The following ADARB2 variants were observed in gnomAD, a reference collection of about 807,000 sequenced individuals.
ADARB2 encodes inactive double-stranded RNA-specific editase B2.
ADARB2 carries 25 observed loss-of-function variants against 62.2 expected under a neutral mutation model. That is an observed-to-expected ratio of 0.40 (90% confidence interval 0.29 to 0.56). The LOEUF is 0.56. Ranked by LOEUF, ADARB2 falls within the 20% of genes least tolerant of loss-of-function variation. The pLI, the probability that ADARB2 is intolerant of heterozygous loss-of-function variation, is 0.43. For synonymous variants in ADARB2, 572 were observed against 500.8 expected (o/e 1.14, Z -1.90); for missense variants, 1,071 against 1,077.4 (o/e 0.99, Z 0.08).
chr10:1,724,121 T>C (rs1835132577), intron 1 of ADARB2, among the ~76,000 whole-genome samples: 1 of 152,156 alleles, frequency 6.6e-6, no homozygotes, highest in African/African-American at 2.4e-5. Context: ...ATGGGGTCTT[T>C]AAAGAGGTGC....
chr10:1,594,995 G>A (rs1416517714), intron 1 of ADARB2, among the ~76,000 whole-genome samples: 1 of 152,180 alleles, frequency 6.6e-6, no homozygotes, highest in Non-Finnish European at 1.5e-5. Context: ...CTGAGGAAGT[G>A]CAGGAAGCGG....
intron 5 of ADARB2, among the ~76,000 whole-genome samples, chr10:1,234,147 C>T (rs1284655964): frequency 6.6e-6 from 1 of 151,602 alleles, no homozygotes; most frequent in Non-Finnish European, 1.5e-5. Context: ...CGCCACCACG[C>T]CTAGTTCATT....
At chr10:1,288,761 G>T (rs7914608) in intron 3 of ADARB2, among the ~76,000 whole-genome samples, 2,056 of 152,320 alleles carry the variant, frequency 0.013, 52 homozygotes, top group African/African-American at 0.047. Flanking sequence ...AGACCACGGG[G>T]TACTTCTGTG....
chr10:1,456,217 G>A (rs370017619), intron 1 of ADARB2, among the ~76,000 whole-genome samples: 3 of 152,092 alleles, frequency 2.0e-5, no homozygotes, highest in African/African-American at 4.8e-5. Flanking sequence ...TAGTAAGAAC[G>A]GAAACCACTG....
intron 1 of ADARB2, among the ~76,000 whole-genome samples, chr10:1,580,751 C>T (rs898566927): frequency 6.6e-6 from 1 of 152,196 alleles, no homozygotes; most frequent in Non-Finnish European, 1.5e-5. Flanking sequence ...CGCCATGCTC[C>T]TTCTGTTCCT....
At chr10:1,375,742 T>G (rs1051335567) in intron 2 of ADARB2, among the ~76,000 whole-genome samples, 9 of 151,108 alleles carry the variant, frequency 6.0e-5, no homozygotes, top group African/African-American at 1.5e-4. Flanking sequence ...TGTGCACAGA[T>G]TCACACGCCA....
At chr10:1,673,775 GCTCA>G (rs1009932245) in intron 1 of ADARB2, among the ~76,000 whole-genome samples, 20 of 152,216 alleles carry the variant, frequency 1.3e-4, no homozygotes, top group African/African-American at 4.6e-4. Context: ...CACTGCCACC[GCTCA>G]CTGCCAGGCA....
At chr10:1,273,921 C>T (rs1444444668) in intron 3 of ADARB2, among the ~76,000 whole-genome samples, 1 of 152,194 alleles carries the variant, frequency 6.6e-6, no homozygotes, top group Non-Finnish European at 1.5e-5. Context: ...AGGCCCGGGG[C>T]TCGTGGGTTG....
intron 1 of ADARB2, among the ~76,000 whole-genome samples, chr10:1,453,641 C>T (rs1831063675): frequency 6.6e-6 from 1 of 152,160 alleles, no homozygotes; most frequent in Non-Finnish European, 1.5e-5. Flanking sequence ...AAAATTCCTA[C>T]TACTGAACAC....
intron 1 of ADARB2, among the ~76,000 whole-genome samples, chr10:1,447,777 T>G (rs1830990021): frequency 6.6e-6 from 1 of 152,228 alleles, no homozygotes; most frequent in Admixed American, 6.5e-5. Flanking sequence ...TCCTTTTTCA[T>G]GTCCCTGTGT....
At chr10:1,538,282 G>A (rs946606098) in intron 1 of ADARB2, among the ~76,000 whole-genome samples, 22 of 152,338 alleles carry the variant, frequency 1.4e-4, no homozygotes, top group East Asian at 9.7e-4. Flanking sequence ...GAGGGAGCCC[G>A]TGGGTCTGTG....
At chr10:1,586,868 A>G (rs1234171751) in intron 1 of ADARB2, among the ~76,000 whole-genome samples, 1 of 152,258 alleles carries the variant, frequency 6.6e-6, no homozygotes, top group Admixed American at 6.5e-5. Context: ...TTAACTCGTT[A>G]AAATATGAAA....
intron 1 of ADARB2, among the ~76,000 whole-genome samples, chr10:1,696,552 C>T (rs1265900336): frequency 6.6e-6 from 1 of 152,176 alleles, no homozygotes; most frequent in African/African-American, 2.4e-5. Context: ...TTGCTTTGTC[C>T]TCTGAGGGTA....
chr10:1,265,399 G>C (rs1391104925), intron 4 of ADARB2, among the ~76,000 whole-genome samples: 2 of 152,366 alleles, frequency 1.3e-5, no homozygotes, highest in South Asian at 4.1e-4. Context: ...AGTAAGTATT[G>C]TAGGGGTTCA....
intron 1 of ADARB2, among the ~76,000 whole-genome samples, chr10:1,429,809 T>C (rs755224112): frequency 6.6e-6 from 1 of 152,210 alleles, no homozygotes; most frequent in Non-Finnish European, 1.5e-5. Context: ...TGCTTTTTTC[T>C]ATAACTGCTA....
chr10:1,518,222 A>C (rs962143805), intron 1 of ADARB2, among the ~76,000 whole-genome samples: 1 of 152,206 alleles, frequency 6.6e-6, no homozygotes, highest in Non-Finnish European at 1.5e-5. Flanking sequence ...TCAGCCCTCT[A>C]AGTAGAAGCA....
chr10:1,453,554 G>A (rs992566892), intron 1 of ADARB2, among the ~76,000 whole-genome samples: 8 of 152,094 alleles, frequency 5.3e-5, no homozygotes, highest in Admixed American at 3.3e-4. Context: ...TACCCTTTTC[G>A]AAAAGGCAAC....
intron 1 of ADARB2, among the ~76,000 whole-genome samples, chr10:1,513,311 C>T (rs560369887): frequency 6.6e-5 from 10 of 152,318 alleles, no homozygotes; most frequent in Admixed American, 3.9e-4. Context: ...TAACTAGAAA[C>T]GCTCCTTGAA....
chr10:1,342,627 G>T (rs867222959), intron 3 of ADARB2, among the ~76,000 whole-genome samples: 24 of 152,198 alleles, frequency 1.6e-4, no homozygotes, highest in African/African-American at 4.8e-4. Context: ...ATCCAGCCCT[G>T]CCTGTGATGG....
Sources: gnomAD v4.1 joint callset for allele counts (sites outside exome capture counted in the v4.1 genomes callset) on GRCh38, gnomAD v4.1.1 for gene constraint, MANE v1.5 for transcripts, NCBI Gene and HGNC (gene_info 2026-07-23, HGNC 2026-07-21) for gene names.